The following MYO1H variants were observed in gnomAD, a reference collection of about 807,000 sequenced individuals.
MYO1H encodes myosin IH.
Under a neutral mutation model 149.3 loss-of-function variants are expected in MYO1H, and 118 were observed. The observed-to-expected ratio is 0.79, with a 90% CI of 0.68 to 0.92. The LOEUF (loss-of-function observed/expected upper bound fraction) is 0.92, where lower values mean the gene tolerates loss of function less well. Ranked by LOEUF, MYO1H falls within the 40% of genes least tolerant of loss-of-function variation. The pLI is 0.00. For missense variants in MYO1H, 1,212 were observed against 1,280.7 expected (o/e 0.95, Z 0.82); for synonymous variants, 447 against 465.2 (o/e 0.96, Z 0.50).
chr12:109,376,453 T>G (rs1592783366), intron 1 of MYO1H, among the ~76,000 whole-genome samples: 1 of 152,366 alleles, frequency 6.6e-6, no homozygotes, highest in Non-Finnish European at 1.5e-5. Context: ...CATATAGGTC[T>G]TTAATCCACT....
At chr12:109,313,661 A>G in the MYO1H span, among the ~76,000 whole-genome samples, 1 of 152,236 alleles carries the variant, frequency 6.6e-6, no homozygotes, top group Non-Finnish European at 1.5e-5. Context: ...GCCCAGATCC[A>G]GGTTCATCAC....
exon 7 of MYO1H, chr12:109,403,985 C>G: frequency 6.2e-7 from 1 of 1,612,228 alleles, no homozygotes; most frequent in African/African-American, 1.3e-5. Flanking sequence ...TCAACAGGGT[C>G]ATTGTGCCAA....
At chr12:109,348,363 C>T (rs1209967982) in intron 1 of MYO1H, among the ~76,000 whole-genome samples, 1 of 152,154 alleles carries the variant, frequency 6.6e-6, no homozygotes, top group African/African-American at 2.4e-5. Flanking sequence ...GTAAATTTGA[C>T]TGAATTTTCA....
At chr12:109,331,474 G>A in the MYO1H span, among the ~76,000 whole-genome samples, 7 of 152,118 alleles carry the variant, frequency 4.6e-5, no homozygotes, top group Non-Finnish European at 7.3e-5. Flanking sequence ...ACTGGGGTGC[G>A]GTGGGGCGGG....
the MYO1H span, among the ~76,000 whole-genome samples, chr12:109,311,255 C>T: frequency 2.0e-5 from 3 of 152,066 alleles, no homozygotes; most frequent in African/African-American, 7.2e-5. Context: ...AGCAAGAATC[C>T]TTCACTAAAA....
At chr12:109,338,757 C>A in the MYO1H span, among the ~76,000 whole-genome samples, 3 of 120,866 alleles carry the variant, frequency 2.5e-5, no homozygotes, top group South Asian at 8.5e-4. Flanking sequence ...CAGAGCAAGA[C>A]TCCATCTCAA....
chr12:109,366,981 A>G (rs1052081683), intron 1 of MYO1H, among the ~76,000 whole-genome samples: 3 of 152,224 alleles, frequency 2.0e-5, no homozygotes, highest in Non-Finnish European at 4.4e-5. Flanking sequence ...CAGCAAGCAT[A>G]ATGCAAATAT....
At chr12:109,407,064 C>A (rs552285008) in intron 9 of MYO1H, among the ~76,000 whole-genome samples, 46 of 152,234 alleles carry the variant, frequency 3.0e-4, no homozygotes, top group African/African-American at 1.1e-3. Context: ...CAATCCACAC[C>A]TCATACTGTC....
chr12:109,401,510 A>G (rs1485264552), intron 6 of MYO1H: 1 of 419,920 alleles, frequency 2.4e-6, no homozygotes. Context: ...CCCTGGCTGA[A>G]ACTAGAATCA....
chr12:109,376,773 C>T (rs1869095718), intron 1 of MYO1H, among the ~76,000 whole-genome samples: 1 of 152,174 alleles, frequency 6.6e-6, no homozygotes, highest in African/African-American at 2.4e-5. Context: ...ATTATCTTGG[C>T]TATTCTTGGT....
chr12:109,385,574 C>G (rs763801496), intron 1 of MYO1H, among the ~76,000 whole-genome samples: 7 of 152,134 alleles, frequency 4.6e-5, no homozygotes, highest in African/African-American at 1.7e-4. Flanking sequence ...ATTACAAACA[C>G]GAGCCTACCA....
intron 20 of MYO1H, among the ~76,000 whole-genome samples, chr12:109,434,719 G>A (rs1279455379): frequency 6.6e-6 from 1 of 152,150 alleles, no homozygotes; most frequent in Non-Finnish European, 1.5e-5. Context: ...ATTCCTGCGG[G>A]AGCCTCTTTT....
chr12:109,313,011 C>T, the MYO1H span, among the ~76,000 whole-genome samples: 1 of 151,648 alleles, frequency 6.6e-6, no homozygotes, highest in Admixed American at 6.6e-5. Flanking sequence ...GAGGCCGAGG[C>T]GGGTGGATGC....
At chr12:109,435,931 T>A (rs1871837684) in intron 21 of MYO1H, among the ~76,000 whole-genome samples, 2 of 152,180 alleles carry the variant, frequency 1.3e-5, no homozygotes, top group Non-Finnish European at 2.9e-5. Context: ...TGAGCCAGCA[T>A]CTCTAACCAG....
At chr12:109,443,190 ACGTATATGTGTG>A (rs1872285148) in intron 27 of MYO1H, among the ~76,000 whole-genome samples, 1 of 127,676 alleles carries the variant, frequency 7.8e-6, no homozygotes, top group Non-Finnish European at 1.6e-5. Flanking sequence ...GTATATGTGT[ACGTATATGTGTG>A]TATATGTGTA....
intron 1 of MYO1H, among the ~76,000 whole-genome samples, chr12:109,383,308 G>A (rs959894205): frequency 6.6e-6 from 1 of 152,178 alleles, no homozygotes; most frequent in Non-Finnish European, 1.5e-5. Flanking sequence ...CAGAACTTTA[G>A]GGTAGTAGCC....
the MYO1H span, among the ~76,000 whole-genome samples, chr12:109,319,331 A>G: frequency 6.6e-6 from 1 of 152,210 alleles, no homozygotes; most frequent in South Asian, 2.1e-4. Flanking sequence ...GTCACAAAAA[A>G]GGCAGACTGC....
At chr12:109,363,092 A>G (rs565135626) in intron 1 of MYO1H, among the ~76,000 whole-genome samples, 1 of 152,186 alleles carries the variant, frequency 6.6e-6, no homozygotes, top group South Asian at 2.1e-4. Flanking sequence ...TTCCTTCCTC[A>G]CCAGCACATT....
At chr12:109,419,761 A>G (rs1420870700) in intron 15 of MYO1H, among the ~76,000 whole-genome samples, 3 of 151,484 alleles carry the variant, frequency 2.0e-5, no homozygotes, top group Non-Finnish European at 2.9e-5. Context: ...CAGACTCACT[A>G]TGTTGCCCAG....
Sources: gnomAD v4.1 joint callset for allele counts (sites outside exome capture counted in the v4.1 genomes callset) on GRCh38, gnomAD v4.1.1 for gene constraint, MANE v1.5 for transcripts, NCBI Gene and HGNC (gene_info 2026-07-23, HGNC 2026-07-21) for gene names.